The following PCNX1 variants were observed in gnomAD, a reference collection of about 807,000 sequenced individuals.
The protein encoded by PCNX1 is pecanex 1, also known as pecanex-like protein 1.
PCNX1 carries 78 observed loss-of-function variants against 242.2 expected under a neutral mutation model. The observed-to-expected ratio is 0.32, with a 90% CI of 0.27 to 0.39. The LOEUF (loss-of-function observed/expected upper bound fraction) is 0.39. Among genes scored for constraint, PCNX1 ranks in the 10% least tolerant of loss-of-function variants. The pLI, the probability that PCNX1 is intolerant of heterozygous loss-of-function variation, is 1.00. For synonymous variants in PCNX1, 1,024 were observed against 1,032.9 expected (o/e 0.99, Z 0.17); for missense variants, 2,581 against 2,856.5 (o/e 0.90, Z 2.20).
intron 19 of PCNX1, among the ~76,000 whole-genome samples, chr14:71,040,909 G>T (rs140603108): frequency 1.3e-5 from 2 of 151,620 alleles, no homozygotes; most frequent in East Asian, 3.9e-4. Context: ...TTAATTTTTA[G>T]CTCCCACAAA....
At chr14:71,071,352 T>C (rs932329037) in intron 26 of PCNX1, among the ~76,000 whole-genome samples, 11 of 152,212 alleles carry the variant, frequency 7.2e-5, no homozygotes, top group Non-Finnish European at 1.3e-4. Context: ...ATTTGGTGCA[T>C]GAGGCCTAAC....
intron 11 of PCNX1, 132 bp downstream of exon 11, chr14:71,013,334 A>G (rs2059873758): frequency 1.3e-6 from 1 of 768,056 alleles, no homozygotes; most frequent in Non-Finnish European, 2.3e-6. Context: ...CTCTGGATAT[A>G]AAACTTAAGG....
At chr14:70,948,230 C>A (rs1275008703) in intron 2 of PCNX1, among the ~76,000 whole-genome samples, 5 of 152,136 alleles carry the variant, frequency 3.3e-5, no homozygotes, top group African/African-American at 4.8e-5. Context: ...TATTCATACA[C>A]CCCTCCCCTT....
At position 70,988,694 on chromosome 14, in the gene PCNX1, C is replaced by G. The variant is rs2059070241; in HGVS notation, c.2439C>G (p.Pro813=). The change falls in exon 7 of 36, where the codon CCC becomes CCG. Residue 813 remains proline (P), a synonymous_variant. Coordinates refer to ENST00000304743, the MANE Select transcript of PCNX1 (RefSeq NM_014982.3). ...CTCCTACATTGCTCATCGGATCACC[C>G]CTAAGGTATGGTATTTTCAATTCCA... The part of the protein sequence containing the change: ...PTPPTLLIGS[P]LSLQDGQQGQ... 6.2e-7 allele frequency: 1 copy of G among 1,612,738 alleles called. No individual in the cohort carries two copies. The highest frequency in any genetic ancestry group is 1.7e-5 in the Admixed American group (1 of 59,970).
intron 30 of PCNX1, among the ~76,000 whole-genome samples, chr14:71,100,808 T>C (rs1432176250): frequency 6.6e-6 from 1 of 152,168 alleles, no homozygotes; most frequent in East Asian, 1.9e-4. Context: ...TTTTCTTTAT[T>C]TTGTCTGACT....
Position 71,012,974 on chromosome 14 carries a change from C to G in PCNX1, c.2779-11C>G. On this transcript the variant is annotated splice_polypyrimidine_tract_variant and intron_variant, in intron 10 of 35. Transcript: ENST00000304743. ...GATATTTTAAGCCTTTCAATGCTGA[C>G]TTTCTTTTAGCTCTCTCTCCCACAG... 6.3e-7 allele frequency: 1 copy of G among 1,590,112 alleles called. No homozygotes were observed. The highest frequency in any genetic ancestry group is 2.2e-5 in the East Asian group (1 of 44,752).
chr14:70,961,701 A>C (rs2058220495), intron 2 of PCNX1, among the ~76,000 whole-genome samples: 2 of 152,218 alleles, frequency 1.3e-5, no homozygotes, highest in Admixed American at 6.5e-5. Flanking sequence ...ATTCTAGTTA[A>C]ATTCTGGTTA....
intron 31 of PCNX1, 45 bp downstream of exon 31, chr14:71,102,265 A>G (rs2062483367): frequency 1.4e-6 from 2 of 1,474,864 alleles, no homozygotes; most frequent in African/African-American, 2.8e-5. Context: ...TAGAAGTTGA[A>G]TAACTTGATC....
intron 19 of PCNX1, among the ~76,000 whole-genome samples, chr14:71,036,752 A>G (rs1024303030): frequency 3.9e-5 from 6 of 152,116 alleles, no homozygotes; most frequent in Non-Finnish European, 7.4e-5. Context: ...CGATTTTAAT[A>G]TTTGTCCGTA....
chr14:70,992,539 A>ATAAC (rs2059198144), intron 7 of PCNX1, among the ~76,000 whole-genome samples: 1 of 134,252 alleles, frequency 7.4e-6, no homozygotes, highest in Non-Finnish European at 1.6e-5. Context: ...GGAGAGACAC[A>ATAAC]TAGAAAGGTA....
intron 28 of PCNX1, among the ~76,000 whole-genome samples, chr14:71,082,152 GTGT>G (rs1207733379): frequency 1.4e-4 from 22 of 152,008 alleles, no homozygotes; most frequent in Admixed American, 7.2e-4. Context: ...TTCAGTTTCC[GTGT>G]TGTTGTGCGG....
At chr14:71,088,291 A>G (rs1021139244) in intron 28 of PCNX1, 39 bp from the exon 29 acceptor site, 1 of 1,175,872 alleles carries the variant, frequency 8.5e-7, no homozygotes, top group South Asian at 1.2e-5. Flanking sequence ...AAATACTTAC[A>G]TACCTTTCTG....
chr14:70,978,023 A>G lies in PCNX1; in HGVS notation c.1686A>G (p.Arg562=). The G allele has an allele frequency of 6.2e-7, 1 of 1,614,068 alleles. No homozygotes were observed. Among genetic ancestry groups the G allele is most frequent in the Non-Finnish European group, 8.5e-7 (1 of 1,180,002 alleles). ...RTASAHKSGR[R]RTGKKRASSF... ...CTTCTGCCCACAAGTCAGGCAGGAG[A>G]CGCACAGGAAAAAAACGGGCTAGCA... is the stretch of plus-strand genomic sequence containing the variant. The change falls in exon 6 of 36, where the codon AGA becomes AGG. Residue 562 remains arginine (R), a synonymous_variant. Coordinates refer to ENST00000304743, the MANE Select transcript of PCNX1 (RefSeq NM_014982.3).
intron 1 of PCNX1, among the ~76,000 whole-genome samples, chr14:70,921,778 A>G (rs940093313): frequency 6.6e-5 from 10 of 152,160 alleles, no homozygotes; most frequent in African/African-American, 1.7e-4. Flanking sequence ...TGTTTCAACT[A>G]TATAAAGATG....
intron 2 of PCNX1, among the ~76,000 whole-genome samples, chr14:70,954,630 C>T (rs12878013): frequency 0.064 from 9,732 of 151,978 alleles, 390 homozygotes; most frequent in Admixed American, 0.13. Context: ...TTGTTTTTCC[C>T]CCTAAAATGT....
At chr14:70,919,431 GT>G (rs973187844) in intron 1 of PCNX1, among the ~76,000 whole-genome samples, 18 of 152,192 alleles carry the variant, frequency 1.2e-4, no homozygotes, top group African/African-American at 4.3e-4. Context: ...GCCTCCTTCT[GT>G]TATCTGAGTT....
At chr14:70,994,427 A>ATATGTATG (rs57544073) in intron 7 of PCNX1, among the ~76,000 whole-genome samples, 35 of 88,710 alleles carry the variant, frequency 3.9e-4, no homozygotes, top group African/African-American at 1.4e-3. Flanking sequence ...ATATATATAT[A>ATATGTATG]TATGTATGTA....
chr14:70,939,804 C>T (rs12588023), intron 1 of PCNX1, among the ~76,000 whole-genome samples: 39,816 of 151,968 alleles, frequency 0.26, 6,731 homozygotes, highest in Non-Finnish European at 0.37. Context: ...TTTATGAATC[C>T]GGGTGCTCCT....
chr14:71,063,761 A>G (rs764748456), intron 26 of PCNX1, among the ~76,000 whole-genome samples: 2 of 152,178 alleles, frequency 1.3e-5, no homozygotes, highest in Non-Finnish European at 2.9e-5. Flanking sequence ...CTGGATGCTT[A>G]CTTTTAAGTA....
Sources: allele counts gnomAD v4.1 joint callset (sites outside exome capture counted in the v4.1 genomes callset), GRCh38; gene constraint gnomAD v4.1.1; transcripts MANE v1.5; gene names NCBI Gene and HGNC (gene_info 2026-07-23, HGNC 2026-07-21).